Variants in HSPG2 observed in about 807,000 individuals in gnomAD.
The protein encoded by HSPG2 is basement membrane-specific heparan sulfate proteoglycan core protein.
HSPG2 carries 278 observed loss-of-function variants against 526.6 expected under a neutral mutation model. That is an observed-to-expected ratio of 0.53 (90% CI 0.48 to 0.58). The LOEUF (loss-of-function observed/expected upper bound fraction) is 0.58. HSPG2 is among the 20% of genes least tolerant of loss of function. The pLI is 0.00. For missense variants in HSPG2, 5,354 were observed against 6,099.5 expected (o/e 0.88, Z 4.07); for synonymous variants, 2,465 against 2,555.4 (o/e 0.96, Z 1.07).
At chr1:21,906,669 C>A (rs1445358679) in intron 1 of HSPG2, among the ~76,000 whole-genome samples, 2 of 146,752 alleles carry the variant, frequency 1.4e-5, no homozygotes, top group African/African-American at 5.0e-5. Context: ...AGGCTGGTTA[C>A]ACAAAGCTGA....
At chr1:21,853,165 G>C in intron 50 of HSPG2, 95 bp from the exon 51 acceptor site, 1 of 1,554,158 alleles carries the variant, frequency 6.4e-7, no homozygotes, top group Non-Finnish European at 8.8e-7. Context: ...GGCCCTAGTG[G>C]GGACGGCCGA....
In HSPG2 at chr1:21,904,771, G is replaced by A. The variant is rs968347460; in HGVS notation, c.64-8461C>T. ...TCGAACACTATCTGCCAGGCACCACGGCTGCCGGCAACACCTGCAGCGTTC... is the reference window on the plus strand; with the variant it reads ...TCGAACACTATCTGCCAGGCACCACAGCTGCCGGCAACACCTGCAGCGTTC... On this transcript the variant is annotated intron_variant, in intron 1 of 96. Coordinates refer to ENST00000374695, the MANE Select transcript of HSPG2 (RefSeq NM_005529.7). The surrounding 1 kb of genome is among the most constrained non-coding windows in gnomAD (Gnocchi z 4.4). Among the ~76,000 whole-genome samples, 25 of 152,240 alleles carry A rather than the reference G, an allele frequency of 1.6e-4. No homozygotes were observed. The highest frequency in any genetic ancestry group is 4.8e-4 in the African/African-American group (20 of 41,536).
In HSPG2 at chr1:21,869,192, G is replaced by A. The variant is rs145619028; in HGVS notation, c.4221+2994C>T. ...GTCCCCAGCTGCTCTCTCTGGGCGT[G>A]GCCTGGGTCGGCTTCTCCTCCCATC... On this transcript the variant is annotated intron_variant, in intron 33 of 96. Coordinates refer to ENST00000374695, the MANE Select transcript of HSPG2 (RefSeq NM_005529.7). Among the ~76,000 whole-genome samples the A allele has an allele frequency of 3.7e-3, 561 of 152,296 alleles. 3 individuals are homozygous for A. Among genetic ancestry groups the A allele is most frequent in the African/African-American group, 0.013 (530 of 41,556 alleles).
intron 1 of HSPG2, among the ~76,000 whole-genome samples, chr1:21,910,461 C>T (rs912776870): frequency 2.6e-5 from 4 of 152,218 alleles, no homozygotes; most frequent in African/African-American, 7.2e-5. Context: ...CTCAACTCTG[C>T]CATCGATCTT....
intron 80 of HSPG2, chr1:21,832,987 G>A: frequency 1.8e-6 from 1 of 563,002 alleles, no homozygotes; most frequent in Non-Finnish European, 3.2e-6. Flanking sequence ...AGCAGAGATG[G>A]GGAAAGGAAG....
At position 21,859,167 on chromosome 1, in the gene HSPG2, TTCTCCCGAGTAGCTG is replaced by T. The variant is rs1445969292; in HGVS notation, c.5293+384_5293+398del. The stretch of plus-strand genomic sequence containing the variant: ...GGTTCAAGCAATTCTCCTGCCTCAG[TTCTCCCGAGTAGCTG>T]GGATTATAGGTGTGTACCACCATGC... On this transcript the variant is annotated intron_variant, in intron 42 of 96. Transcript: ENST00000374695. This position sits in a 1 kb window ranked among gnomAD's most constrained non-coding sequence, Gnocchi z 5.3. 6.6e-6 allele frequency among the ~76,000 whole-genome samples: 1 copy of T among 151,974 alleles called. No homozygotes were observed. Among genetic ancestry groups the T allele is most frequent in the African/African-American group, 2.4e-5 (1 of 41,358 alleles).
At position 21,849,174 on chromosome 1, in the gene HSPG2, C is replaced by T; in HGVS notation, c.7447-143G>A. On this transcript the variant is annotated intron_variant, in intron 57 of 96. Transcript: ENST00000374695. ...TCTTCCAGGGAAAACCACCTTCTCC[C>T]TTCCTATCTACCGCCCCAGTGTCAG... is the stretch of plus-strand genomic sequence containing the variant. 3.2e-6 allele frequency: 3 copies of T among 946,878 alleles called. No homozygotes were observed. In the South Asian group the frequency reaches 4.8e-5, roughly 15 times the overall value. The allele number at this position is 946,878 out of a possible 1,614,324, so 58.7% of individuals were successfully genotyped here.
chr1:21,891,885 G>A (rs1042072546), intron 3 of HSPG2, among the ~76,000 whole-genome samples: 7 of 152,102 alleles, frequency 4.6e-5, no homozygotes, highest in Non-Finnish European at 7.4e-5. Flanking sequence ...TACATCTATC[G>A]TTTCTTAAGC....
In HSPG2 at chr1:21,896,272, C is replaced by T; in HGVS notation, c.102G>A (p.Leu34=). The T allele has an allele frequency of 6.2e-7, 1 of 1,613,966 alleles. No individual in the cohort carries two copies. Among genetic ancestry groups the T allele is most frequent in the Non-Finnish European group, 8.5e-7 (1 of 1,179,996 alleles). The change falls in exon 2 of 97, where the codon CTG becomes CTA. Residue 34 remains leucine (L), a synonymous_variant. Transcript: ENST00000374695. ...CTGTGACGGTCTCTATGTCCTCAGG[C>T]AGAGACAAGCCATCGTATGCCCTCA... ...HGLRAYDGLS[L]PEDIETVTAS... is the part of the protein sequence containing the mutation.
intron 17 of HSPG2, among the ~76,000 whole-genome samples, chr1:21,879,366 A>T (rs923347847): frequency 6.6e-6 from 1 of 152,124 alleles, no homozygotes; most frequent in Non-Finnish European, 1.5e-5. Context: ...CCCTCTTCCA[A>T]TCTGCACCCA....
At chr1:21,855,232 G>A in intron 47 of HSPG2, 72 bp downstream of exon 47, 1 of 1,534,108 alleles carries the variant, frequency 6.5e-7, no homozygotes, top group Non-Finnish European at 8.8e-7. Context: ...GGCGTGAAGG[G>A]GGAGGGAAGG....
rs1252271262 is a variant in HSPG2, at chr1:21,858,375, T to C, written c.5294-990A>G. 3.3e-5 allele frequency among the ~76,000 whole-genome samples: 5 copies of C among 152,182 alleles called. No homozygotes were observed. Among genetic ancestry groups the C allele is most frequent in the Non-Finnish European group, 5.9e-5 (4 of 68,026 alleles). On this transcript the variant is annotated intron_variant, in intron 42 of 96. Coordinates refer to ENST00000374695, the MANE Select transcript of HSPG2 (RefSeq NM_005529.7). The surrounding 1 kb of genome is among the most constrained non-coding windows in gnomAD (Gnocchi z 4.2). The stretch of plus-strand genomic sequence containing the variant: ...TGCCCTTCCTCTTCCATTTGACATG[T>C]TCACACTGGAGCTCCTCAGGACTCT...
At chr1:21,846,689 C>A (rs1396858340) in intron 62 of HSPG2, 90 bp from the exon 63 acceptor site, 4 of 1,441,482 alleles carry the variant, frequency 2.8e-6, no homozygotes, top group Non-Finnish European at 2.9e-6. Context: ...AAATCTCACC[C>A]CCCAGAGTAA....
At position 21,865,322 on chromosome 1, in the gene HSPG2, C is replaced by T; in HGVS notation, c.4358G>A (p.Gly1453Asp). 1 of 1,614,094 alleles carries T rather than the reference C, an allele frequency of 6.2e-7. No individual in the cohort carries two copies. The highest frequency in any genetic ancestry group is 8.5e-7 in the Non-Finnish European group (1 of 1,179,994). ...MLVASQPALQ[G>D]PERRSYEIMF... ...GATCTCGTAGCTCCTCCTCTCAGGG[C>T]CCTGCAGCGCTGGCTGGGAGGCCAC... Residue 1453 changes from glycine to aspartate, a missense_variant, in exon 35 of 97, where the codon GGC becomes GAC. By Grantham distance (94) the Gly-to-Asp change is moderately conservative (BLOSUM62 -1). Coordinates refer to ENST00000374695, the MANE Select transcript of HSPG2 (RefSeq NM_005529.7). This position sits in a 1 kb window ranked among gnomAD's most constrained non-coding sequence, Gnocchi z 5.4.
chr1:21,881,912 C>T (rs1299226837), intron 13 of HSPG2, among the ~76,000 whole-genome samples: 1 of 134,748 alleles, frequency 7.4e-6, no homozygotes, highest in Non-Finnish European at 1.5e-5. Flanking sequence ...CAGTGTACTC[C>T]AGCTTGGGTG....
intron 1 of HSPG2, among the ~76,000 whole-genome samples, chr1:21,926,990 G>A (rs540744872): frequency 7.9e-5 from 12 of 152,232 alleles, no homozygotes; most frequent in African/African-American, 2.4e-4. Flanking sequence ...AGGAGGTGGG[G>A]GCCGGAGCCG....
chr1:21,889,983 G>A lies in HSPG2; in HGVS notation c.572C>T (p.Thr191Ile), dbSNP rs1642233525. 3 of 1,614,072 alleles carry A rather than the reference G, an allele frequency of 1.9e-6. No homozygotes were observed. The highest frequency in any genetic ancestry group is 1.6e-4 in the Middle Eastern group (1 of 6,062). The change falls in exon 6 of 97, where the codon ACA becomes ATA. Residue 191 changes from threonine (T) to isoleucine (I), a missense_variant and splice_region_variant. Thr to Ile is a moderately conservative substitution (Grantham distance 89, BLOSUM62 -1). Coordinates refer to ENST00000374695, the MANE Select transcript of HSPG2 (RefSeq NM_005529.7). ...PQGFQFRRLG[T>I]VPQFPRACTE... ...CCCAGACACCAGGATAGGCTCACCT[G>A]TGCCCAGGCGTCGGAACTGGAATCC...
In HSPG2 at chr1:21,885,360, C is replaced by G. The variant is rs1343850626; in HGVS notation, c.1170G>C (p.Glu390Asp). The change falls in exon 10 of 97, where the codon GAG becomes GAC. Residue 390 changes from glutamate to aspartate, a missense_variant. Coordinates refer to ENST00000374695, the MANE Select transcript of HSPG2 (RefSeq NM_005529.7). ...MCIPASFHCD[E>D]ESDCPDRSDE... is the part of the protein sequence containing the mutation. Reference sequence around the variant, plus strand: ...CGCTCCGGTCAGGACAGTCGCTCTCCTCGTCACAGTGGAAGCTGGCTGGGA... The same window carrying G: ...CGCTCCGGTCAGGACAGTCGCTCTCGTCGTCACAGTGGAAGCTGGCTGGGA... 3 of 1,614,020 alleles carry G rather than the reference C, an allele frequency of 1.9e-6. No homozygotes were observed. The highest frequency in any genetic ancestry group is 2.5e-6 in the Non-Finnish European group (3 of 1,180,020).
In HSPG2 at chr1:21,896,237, A is replaced by T; in HGVS notation, c.137T>A (p.Met46Lys). The T allele has an allele frequency of 6.2e-7, 1 of 1,613,894 alleles. No individual in the cohort carries two copies. The highest frequency in any genetic ancestry group is 8.5e-7 in the Non-Finnish European group (1 of 1,179,982). Residue 46 changes from methionine to lysine, a missense_variant, in exon 2 of 97, where the codon ATG becomes AAG. By Grantham distance (95) the Met-to-Lys change is moderately conservative. Transcript: ENST00000374695. ...AGAAAGGTACGAATGTGTCCAGCGC[A>T]TTTGGCTTGCTGTGACGGTCTCTAT... ...EDIETVTASQ[M>K]RWTHSYLSDD...
Sources: gnomAD v4.1 joint callset for allele counts (sites outside exome capture counted in the v4.1 genomes callset) on GRCh38, gnomAD v4.1.1 for gene constraint, Gnocchi (gnomAD v3.1) non-coding constraint, MANE v1.5 for transcripts, NCBI Gene and HGNC (gene_info 2026-07-23, HGNC 2026-07-21) for gene names.